Variants in KIF20B observed in about 807,000 individuals in gnomAD.
KIF20B encodes kinesin-like protein KIF20B.
A neutral mutation model predicts 232.5 loss-of-function variants in KIF20B; 188 were observed. The ratio of observed to expected loss-of-function variants is 0.81; its 90% CI spans 0.72 to 0.91. KIF20B has a LOEUF of 0.91. Among genes scored for constraint, KIF20B ranks in the 40% least tolerant of loss-of-function variants. The pLI is 0.00. For synonymous variants in KIF20B, 712 were observed against 683.0 expected (o/e 1.04, Z -0.66); for missense variants, 2,154 against 2,055.9 (o/e 1.05, Z -0.92).
At position 89,763,854 on chromosome 10, in the gene KIF20B, A is replaced by C. The variant is rs533296842; in HGVS notation, c.4989+1019A>C. 1.4e-3 allele frequency among the ~76,000 whole-genome samples: 204 copies of C among 147,876 alleles called. 1 individual carries two copies. Among genetic ancestry groups the C allele is most frequent in the Non-Finnish European group, 2.4e-3 (161 of 67,162 alleles). On this transcript the variant is annotated intron_variant, in intron 29 of 32. Transcript: ENST00000371728. The stretch of plus-strand genomic sequence containing the variant: ...TACTATTTATTAATAGTTACTATTA[A>C]TATTTATTAATAGTATTATTTATTT...
At chr10:89,762,978 A>G in intron 29 of KIF20B, 143 bp downstream of exon 29, 2 of 646,840 alleles carry the variant, frequency 3.1e-6, no homozygotes, top group Non-Finnish European at 5.4e-6. Flanking sequence ...TATATTTTAT[A>G]CCCTTTAAGG....
chr10:89,735,176 T>A (rs116272864), intron 19 of KIF20B, among the ~76,000 whole-genome samples: 2,158 of 152,318 alleles, frequency 0.014, 57 homozygotes, highest in African/African-American at 0.049. Context: ...GTCAGATTCA[T>A]GAATTTACAT....
chr10:89,711,036 C>A lies in KIF20B; in HGVS notation c.566C>A (p.Thr189Lys). 1 of 1,608,486 alleles carries A rather than the reference C, an allele frequency of 6.2e-7. No homozygotes were observed. Among genetic ancestry groups the A allele is most frequent in the Non-Finnish European group, 8.5e-7 (1 of 1,176,802 alleles). Residue 189 changes from threonine to lysine, a missense_variant, in exon 6 of 33, where the codon ACA becomes AAA. By Grantham distance (78) the Thr-to-Lys change is moderately conservative (BLOSUM62 -1). Transcript: ENST00000371728. ...GATAGTCTTCAAGAAAGACTGTATA[C>A]AAAGATGAACCTTAAACCACATAGA... ...LFDSLQERLY[T>K]KMNLKPHRSR...
chr10:89,734,601 T>C (rs561064296), intron 19 of KIF20B, among the ~76,000 whole-genome samples: 13 of 152,328 alleles, frequency 8.5e-5, no homozygotes, highest in Admixed American at 3.3e-4. Context: ...AGAAACTCAT[T>C]TGTATATGGC....
In KIF20B at chr10:89,762,744, A is replaced by G. The variant is rs984762974; in HGVS notation, c.4898A>G (p.Asn1633Ser). The change falls in exon 29 of 33, where the codon AAC (asparagine) becomes AGC (serine). Residue 1633 changes from asparagine to serine, a missense_variant. Transcript: ENST00000371728. ...ATTCAATTTACACCTTTACAGCCAA[A>G]CAAAATGGCAGTGAAACACCCTGGT... is the stretch of plus-strand genomic sequence containing the variant. ...LEIQFTPLQP[N>S]KMAVKHPGCT... The G allele has an allele frequency of 3.1e-6, 5 of 1,613,434 alleles. No individual in the cohort carries two copies. The Admixed American group carries it at 6.7e-5, about 22-fold the overall frequency.
chr10:89,752,399 T>C (rs186268007), intron 24 of KIF20B, among the ~76,000 whole-genome samples, 168 bp from the exon 25 acceptor site: 1 of 152,258 alleles, frequency 6.6e-6, no homozygotes, highest in East Asian at 1.9e-4. Flanking sequence ...ACTAAGAATT[T>C]AGTAAGAACT....
chr10:89,701,871 T>A (rs918410090), intron 1 of KIF20B, among the ~76,000 whole-genome samples, 191 bp downstream of exon 1: 2 of 152,206 alleles, frequency 1.3e-5, no homozygotes, highest in Admixed American at 1.3e-4. Flanking sequence ...GAATGAGTCA[T>A]ACTAATTCGG....
intron 29 of KIF20B, among the ~76,000 whole-genome samples, chr10:89,763,632 A>G (rs1320390379): frequency 2.6e-5 from 4 of 152,044 alleles, no homozygotes; most frequent in African/African-American, 9.7e-5. Context: ...GGTAGGCTAA[A>G]AGCTATTAAC....
At chr10:89,764,383 A>G (rs1842309682) in intron 29 of KIF20B, among the ~76,000 whole-genome samples, 1 of 152,168 alleles carries the variant, frequency 6.6e-6, no homozygotes, top group South Asian at 2.1e-4. Flanking sequence ...TTATAGCAGC[A>G]TGATTTACAG....
At chr10:89,710,668 A>G (rs6586217) in intron 5 of KIF20B, among the ~76,000 whole-genome samples, 47,018 of 152,140 alleles carry the variant, frequency 0.31, 8,182 homozygotes, top group African/African-American at 0.46. Context: ...ACCAGAAGAA[A>G]TTTTATATTT....
intron 31 of KIF20B, among the ~76,000 whole-genome samples, chr10:89,772,051 TA>T (rs201321376): frequency 8.3e-5 from 11 of 133,298 alleles, no homozygotes; most frequent in Admixed American, 6.5e-4. Context: ...TTTTTCTATT[TA>T]AAAAAAAATA....
At chr10:89,754,735 G>C in intron 26 of KIF20B, 62 bp downstream of exon 26, 1 of 1,242,422 alleles carries the variant, frequency 8.0e-7, no homozygotes, top group Non-Finnish European at 1.1e-6. Flanking sequence ...TAAATGTATT[G>C]CTGGAATTAA....
chr10:89,717,770 T>A, intron 11 of KIF20B, 48 bp downstream of exon 11: 1 of 1,370,286 alleles, frequency 7.3e-7, no homozygotes, highest in Non-Finnish European at 9.9e-7. Context: ...TTACAATATT[T>A]AAACTTTCAA....
chr10:89,705,861 T>G (rs1842712176), intron 2 of KIF20B, among the ~76,000 whole-genome samples: 1 of 152,176 alleles, frequency 6.6e-6, no homozygotes, highest in African/African-American at 2.4e-5. Context: ...ACATCAGTAG[T>G]TTTTCCCTTT....
chr10:89,758,239 CTATT>C (rs923775392), intron 26 of KIF20B, among the ~76,000 whole-genome samples: 7 of 151,984 alleles, frequency 4.6e-5, no homozygotes, highest in African/African-American at 9.7e-5. Context: ...ACCAATCTCT[CTATT>C]TATTTAGGTG....
At chr10:89,733,625 T>C (rs969665649) in intron 19 of KIF20B, among the ~76,000 whole-genome samples, 66 of 152,194 alleles carry the variant, frequency 4.3e-4, no homozygotes, top group Non-Finnish European at 1.0e-4. Context: ...GTAGACTCTT[T>C]AGAATAAACT....
At chr10:89,770,879 A>T (rs1842448607) in intron 31 of KIF20B, among the ~76,000 whole-genome samples, 1 of 152,122 alleles carries the variant, frequency 6.6e-6, no homozygotes, top group African/African-American at 2.4e-5. Flanking sequence ...AGATTGAATT[A>T]TGTTACTCCT....
intron 2 of KIF20B, 25 bp from the exon 3 acceptor site, chr10:89,709,142 A>G (rs1248816937): frequency 1.3e-5 from 20 of 1,513,488 alleles, no homozygotes; most frequent in Non-Finnish European, 1.7e-5. Flanking sequence ...CAAAAACACA[A>G]TGTTTTTCTC....
At chr10:89,742,266 G>T (rs56318555) in intron 21 of KIF20B, among the ~76,000 whole-genome samples, 25,381 of 152,150 alleles carry the variant, frequency 0.17, 2,581 homozygotes, top group Non-Finnish European at 0.23. Context: ...AGTGTGTTTC[G>T]ATTGATGGTG....
Sources: gnomAD v4.1 joint callset for allele counts (sites outside exome capture counted in the v4.1 genomes callset) on GRCh38, gnomAD v4.1.1 for gene constraint, MANE v1.5 for transcripts, NCBI Gene and HGNC (gene_info 2026-07-23, HGNC 2026-07-21) for gene names.